Variants in BCKDHB observed in about 807,000 individuals in gnomAD.
BCKDHB encodes 2-oxoisovalerate dehydrogenase subunit beta, mitochondrial.
In BCKDHB, 41 loss-of-function variants were observed where a neutral mutation model predicts 48.5. The observed-to-expected ratio is 0.85, with a 90% CI of 0.66 to 1.10. BCKDHB has a LOEUF of 1.10. Ranked by LOEUF, BCKDHB falls within the 50% of genes least tolerant of loss-of-function variation. The pLI, the probability that BCKDHB is intolerant of heterozygous loss-of-function variation, is 0.00. For missense variants in BCKDHB, 496 were observed against 494.2 expected, an observed-to-expected ratio of 1.00 and a Z score of -0.03; for synonymous variants, 201 against 174.8, an observed-to-expected ratio of 1.15 and a Z score of -1.18.
intron 3 of BCKDHB, among the ~76,000 whole-genome samples, chr6:80,140,836 A>T (rs1050844349): frequency 6.6e-6 from 1 of 152,140 alleles, no homozygotes; most frequent in African/African-American, 2.4e-5. Context: ...GTTAGAGAGG[A>T]TTCCCTCTTT....
chr6:80,294,436 G>A (rs1298229109), intron 9 of BCKDHB, among the ~76,000 whole-genome samples: 2 of 152,130 alleles, frequency 1.3e-5, no homozygotes, highest in Admixed American at 6.5e-5. Context: ...AGGGAACAAG[G>A]GAAGACAACC....
chr6:80,288,922 G>GA (rs1404528282), intron 9 of BCKDHB, among the ~76,000 whole-genome samples: 1 of 152,138 alleles, frequency 6.6e-6, no homozygotes, highest in Non-Finnish European at 1.5e-5. Context: ...CTTAGGGGCA[G>GA]GGATGGAGGG....
At chr6:80,332,926 G>A (rs200359998) in intron 9 of BCKDHB, among the ~76,000 whole-genome samples, 19 of 147,444 alleles carry the variant, frequency 1.3e-4, no homozygotes, top group African/African-American at 1.5e-4. Context: ...GCACTAAAAA[G>A]AAAAAAAAAA....
intron 3 of BCKDHB, among the ~76,000 whole-genome samples, chr6:80,156,768 A>G (rs1210040255): frequency 6.6e-6 from 1 of 152,174 alleles, no homozygotes; most frequent in Admixed American, 6.5e-5. Flanking sequence ...GAATGATTAA[A>G]GTAAAAACAA....
intron 3 of BCKDHB, among the ~76,000 whole-genome samples, chr6:80,135,538 T>C (rs150024210): frequency 0.013 from 1,904 of 152,274 alleles, 36 homozygotes; most frequent in African/African-American, 0.044. Flanking sequence ...TAGCTTTAAA[T>C]TGCTCTTGAT....
At chr6:80,117,255 T>C (rs975331686) in intron 1 of BCKDHB, among the ~76,000 whole-genome samples, 3 of 152,246 alleles carry the variant, frequency 2.0e-5, no homozygotes, top group African/African-American at 7.2e-5. Context: ...CCCTTACTGG[T>C]AAATTATTTT....
At chr6:80,264,545 A>G (rs1241802626) in intron 8 of BCKDHB, among the ~76,000 whole-genome samples, 1 of 152,044 alleles carries the variant, frequency 6.6e-6, no homozygotes, top group Admixed American at 6.6e-5. Context: ...AGTTTTCTCT[A>G]AGATTCTGGT....
At chr6:80,286,747 G>A (rs1766643517) in intron 9 of BCKDHB, among the ~76,000 whole-genome samples, 1 of 152,098 alleles carries the variant, frequency 6.6e-6, no homozygotes, top group Admixed American at 6.5e-5. Flanking sequence ...ATTGATAAGT[G>A]TTTCATAGAC....
chr6:80,430,933 T>C, the BCKDHB span, among the ~76,000 whole-genome samples: 16 of 152,092 alleles, frequency 1.1e-4, no homozygotes, highest in Non-Finnish European at 2.2e-4. Flanking sequence ...TTTATATCTT[T>C]CCTGTCTTCT....
chr6:80,308,602 T>C (rs946213959), intron 9 of BCKDHB, among the ~76,000 whole-genome samples: 3 of 150,928 alleles, frequency 2.0e-5, no homozygotes, highest in African/African-American at 7.3e-5. Context: ...TTCTTCTTTT[T>C]TTTTTTTTTT....
the BCKDHB span, among the ~76,000 whole-genome samples, chr6:80,440,202 G>A: frequency 1.3e-5 from 2 of 152,178 alleles, no homozygotes; most frequent in Admixed American, 1.3e-4. Context: ...ACTTCAGCCT[G>A]TGGCCTGCTT....
At chr6:80,128,809 C>T (rs755487655) in intron 2 of BCKDHB, among the ~76,000 whole-genome samples, 15 of 152,030 alleles carry the variant, frequency 9.9e-5, no homozygotes, top group Non-Finnish European at 1.8e-4. Flanking sequence ...TGATCTTAGT[C>T]TCCACTCCCA....
the BCKDHB span, among the ~76,000 whole-genome samples, chr6:80,389,222 T>C: frequency 6.6e-6 from 1 of 151,134 alleles, no homozygotes; most frequent in Non-Finnish European, 1.5e-5. Context: ...TGTTATCACC[T>C]AATGGGCCCA....
chr6:80,190,350 G>C (rs72892426), intron 6 of BCKDHB, among the ~76,000 whole-genome samples: 8,779 of 152,168 alleles, frequency 0.058, 371 homozygotes, highest in South Asian at 0.099. Context: ...CAAGACTTAG[G>C]GAAAGGATCA....
chr6:80,377,142 G>A, the BCKDHB span, among the ~76,000 whole-genome samples: 1 of 151,194 alleles, frequency 6.6e-6, no homozygotes, highest in Non-Finnish European at 1.5e-5. Flanking sequence ...CCAGGTTCAA[G>A]TGATTCTCCC....
At chr6:80,294,989 C>A (rs1767147336) in intron 9 of BCKDHB, among the ~76,000 whole-genome samples, 1 of 152,110 alleles carries the variant, frequency 6.6e-6, no homozygotes, top group Non-Finnish European at 1.5e-5. Flanking sequence ...CAGTTTTACA[C>A]CCCCTCCCCT....
chr6:80,209,864 C>T (rs551680757), intron 8 of BCKDHB, among the ~76,000 whole-genome samples: 44 of 151,894 alleles, frequency 2.9e-4, no homozygotes, highest in African/African-American at 9.9e-4. Context: ...CAGGTAATTA[C>T]AGATTTGGAG....
chr6:80,247,203 T>C (rs963739786), intron 8 of BCKDHB, among the ~76,000 whole-genome samples: 1 of 152,256 alleles, frequency 6.6e-6, no homozygotes, highest in Non-Finnish European at 1.5e-5. Context: ...TAAATTGCTA[T>C]TTGGAAAATT....
chr6:80,236,649 G>A (rs145774716), intron 8 of BCKDHB, among the ~76,000 whole-genome samples: 1 of 152,298 alleles, frequency 6.6e-6, no homozygotes, highest in East Asian at 1.9e-4. Flanking sequence ...GAGAGGTTGA[G>A]TAACTGGCCC....
Sources: gnomAD v4.1 joint callset for allele counts (sites outside exome capture counted in the v4.1 genomes callset) on GRCh38, gnomAD v4.1.1 for gene constraint, MANE v1.5 for transcripts, NCBI Gene and HGNC (gene_info 2026-07-23, HGNC 2026-07-21) for gene names.